Variants in DSCAML1 observed in about 807,000 individuals in gnomAD.
DSCAML1 encodes cell adhesion molecule DSCAML1.
Under a neutral mutation model 200.5 loss-of-function variants are expected in DSCAML1, and 38 were observed. The observed-to-expected ratio is 0.19, with a 90% CI of 0.15 to 0.25. DSCAML1 has a LOEUF of 0.25. DSCAML1 is among the 10% of genes least tolerant of loss of function. The pLI is 1.00. For synonymous variants in DSCAML1, 1,215 were observed against 1,165.0 expected (o/e 1.04, Z -0.87); for missense variants, 2,223 against 2,858.8 (o/e 0.78, Z 5.07).
intron 16 of DSCAML1, among the ~76,000 whole-genome samples, chr11:117,467,931 C>T (rs2048616125): frequency 6.6e-6 from 1 of 152,140 alleles, no homozygotes; most frequent in African/African-American, 2.4e-5. Context: ...ATGCCCAGAG[C>T]TATGTATACC....
intron 3 of DSCAML1, among the ~76,000 whole-genome samples, chr11:117,591,527 C>T (rs1442221382): frequency 6.6e-6 from 1 of 152,182 alleles, no homozygotes; most frequent in Non-Finnish European, 1.5e-5. Flanking sequence ...GCTATGCGAG[C>T]CGCGATTTGT....
chr11:117,453,763 G>A (rs546704328), intron 19 of DSCAML1, among the ~76,000 whole-genome samples: 12 of 64,230 alleles, frequency 1.9e-4, no homozygotes, highest in Non-Finnish European at 3.1e-4. Context: ...TTTTTTTTTT[G>A]AGATAGAGTC....
At chr11:117,778,284 C>T (rs1311622237) in intron 2 of DSCAML1, among the ~76,000 whole-genome samples, 1 of 152,212 alleles carries the variant, frequency 6.6e-6, no homozygotes, top group South Asian at 2.1e-4. Flanking sequence ...CAGAGCCCTG[C>T]CTCCAGATAT....
At chr11:117,515,804 A>T (rs1034516210) in intron 8 of DSCAML1, among the ~76,000 whole-genome samples, 1 of 151,826 alleles carries the variant, frequency 6.6e-6, no homozygotes, top group Non-Finnish European at 1.5e-5. Context: ...AATTTTTAGT[A>T]GAGACGGGGT....
intron 3 of DSCAML1, among the ~76,000 whole-genome samples, chr11:117,641,333 T>G (rs574257255): frequency 3.9e-5 from 6 of 152,230 alleles, no homozygotes; most frequent in Non-Finnish European, 8.8e-5. Context: ...GTCTTAGCTC[T>G]TTATCTTTCA....
rs571632889 is a variant in DSCAML1 at position 117,587,166 on chromosome 11, C to T, written c.512-54644G>A. Reference sequence around the variant, plus strand: ...TGCTTAGGTCAAGACTTTTGACCACCACCCTCACTCCTCCTAGTAACTGAA... The same window carrying T: ...TGCTTAGGTCAAGACTTTTGACCACTACCCTCACTCCTCCTAGTAACTGAA... On this transcript the variant is annotated intron_variant, in intron 3 of 32. Transcript: ENST00000651296. Among the ~76,000 whole-genome samples, 38 of 152,206 alleles carry T rather than the reference C, an allele frequency of 2.5e-4. No homozygotes were observed. In the South Asian group the frequency reaches 7.3e-3, roughly 29 times the overall value.
At chr11:117,466,075 C>T (rs1028795459) in intron 16 of DSCAML1, among the ~76,000 whole-genome samples, 3 of 152,186 alleles carry the variant, frequency 2.0e-5, no homozygotes, top group Non-Finnish European at 4.4e-5. Context: ...CCATACCATC[C>T]AGCAATTCCA....
At chr11:117,630,536 T>C (rs1464307394) in intron 3 of DSCAML1, among the ~76,000 whole-genome samples, 1 of 151,850 alleles carries the variant, frequency 6.6e-6, no homozygotes, top group African/African-American at 2.4e-5. Flanking sequence ...TACCAAGCAC[T>C]TGCTCCACCA....
At chr11:117,710,822 G>C (rs902870105) in intron 3 of DSCAML1, among the ~76,000 whole-genome samples, 3 of 152,132 alleles carry the variant, frequency 2.0e-5, no homozygotes, top group Admixed American at 6.5e-5. Context: ...CAATGTCTCT[G>C]CTCTCTACAA....
intron 1 of DSCAML1, among the ~76,000 whole-genome samples, chr11:117,785,887 T>C (rs2055343095): frequency 6.6e-6 from 1 of 152,174 alleles, no homozygotes; most frequent in Non-Finnish European, 1.5e-5. Flanking sequence ...GGAGTCGACA[T>C]CTTCTCCAAG....
intron 14 of DSCAML1, among the ~76,000 whole-genome samples, chr11:117,476,683 TGC>T (rs1467164216): frequency 2.6e-5 from 4 of 152,348 alleles, no homozygotes; most frequent in African/African-American, 9.6e-5. Flanking sequence ...CTGATAGATT[TGC>T]GTGGATGGTG....
intron 3 of DSCAML1, among the ~76,000 whole-genome samples, chr11:117,735,308 T>G (rs1213923394): frequency 6.6e-6 from 1 of 152,164 alleles, no homozygotes; most frequent in African/African-American, 2.4e-5. Flanking sequence ...GCCATGGGGC[T>G]GGTTTACAAG....
At position 117,758,255 on chromosome 11, in the gene DSCAML1, A is replaced by T. The variant is rs535001807; in HGVS notation, c.511+18536T>A. Among the ~76,000 whole-genome samples, 13 of 150,988 alleles carry T rather than the reference A, an allele frequency of 8.6e-5. No homozygotes were observed. The East Asian group carries it at 2.0e-3, about 23-fold the overall frequency. On this transcript the variant is annotated intron_variant, in intron 3 of 32. Transcript: ENST00000651296. ...GCGGAGGCTGTGGTGAGCCAAGATC[A>T]CGCCACTGCACTCCAGCCTGGGCGA...
intron 3 of DSCAML1, among the ~76,000 whole-genome samples, chr11:117,775,271 G>T (rs1014964247): frequency 3.9e-5 from 6 of 152,100 alleles, no homozygotes; most frequent in African/African-American, 1.4e-4. Context: ...GACCCTGCAG[G>T]ACCCCACACA....
Position 117,642,186 on chromosome 11 carries a change from T to C in DSCAML1, c.512-109664A>G, listed in dbSNP as rs924529156. Among the ~76,000 whole-genome samples the C allele has an allele frequency of 5.3e-5, 8 of 152,208 alleles. No individual in the cohort carries two copies. The highest frequency in any genetic ancestry group is 1.4e-4 in the African/African-American group (6 of 41,454). On this transcript the variant is annotated intron_variant, in intron 3 of 32. Transcript: ENST00000651296. The surrounding 1 kb of genome is among the most constrained non-coding windows in gnomAD (Gnocchi z 4.1). ...CATAAAGCCTAAAGAGCAGACGGCATGACTTAGGCTCCTGCGGTATCTGAG... is the reference window on the plus strand; with the variant it reads ...CATAAAGCCTAAAGAGCAGACGGCACGACTTAGGCTCCTGCGGTATCTGAG...
intron 21 of DSCAML1, among the ~76,000 whole-genome samples, chr11:117,442,824 C>G (rs2048096002): frequency 6.6e-6 from 1 of 152,122 alleles, no homozygotes; most frequent in Non-Finnish European, 1.5e-5. Flanking sequence ...GGAAAGAGCC[C>G]TGACTTGGCG....
At position 117,428,913 on chromosome 11, in the gene DSCAML1, G is replaced by T. The variant is rs1453469879; in HGVS notation, c.5687-110C>A. ...CCAGTCTTCTCTCTGATTTGGCATAGGGGCCCCTCCACTGGGGGGCAATAA... is the reference window on the plus strand; with the variant it reads ...CCAGTCTTCTCTCTGATTTGGCATATGGGCCCCTCCACTGGGGGGCAATAA... On this transcript the variant is annotated intron_variant, in intron 32 of 32. Coordinates refer to ENST00000651296, the MANE Select transcript of DSCAML1 (RefSeq NM_020693.4). 8 of 1,090,754 alleles carry T rather than the reference G, an allele frequency of 7.3e-6. No homozygotes were observed. In the East Asian group the frequency reaches 1.8e-4, roughly 25 times the overall value. 67.6% of individuals were successfully genotyped at this position (1,090,754 alleles called of 1,614,324 possible). A position where few individuals can be genotyped will look rare whatever the true frequency, so the allele number is the denominator to read the frequency against.
intron 11 of DSCAML1, among the ~76,000 whole-genome samples, chr11:117,490,058 G>T (rs1156232925): frequency 3.9e-5 from 6 of 152,162 alleles, no homozygotes; most frequent in African/African-American, 1.4e-4. Flanking sequence ...GGAAACTCCA[G>T]ATTTCCTTCT....
intron 3 of DSCAML1, among the ~76,000 whole-genome samples, chr11:117,698,514 A>G (rs1030520018): frequency 2.0e-5 from 3 of 152,170 alleles, no homozygotes; most frequent in East Asian, 3.8e-4. Context: ...ACAATTTTAC[A>G]TTCCCATCAA....
Sources: allele counts gnomAD v4.1 joint callset (sites outside exome capture counted in the v4.1 genomes callset), GRCh38; gene constraint gnomAD v4.1.1; non-coding constraint Gnocchi (gnomAD v3.1); transcripts MANE v1.5; gene names NCBI Gene and HGNC (gene_info 2026-07-23, HGNC 2026-07-21).